Variants in BRD1 observed in about 807,000 individuals in gnomAD.
The protein encoded by BRD1 is bromodomain-containing protein 1.
A neutral mutation model predicts 107.7 loss-of-function variants in BRD1; 24 were observed. That is an observed-to-expected ratio of 0.22 (90% CI 0.16 to 0.31). The LOEUF is 0.31. Among genes scored for constraint, BRD1 ranks in the 10% least tolerant of loss-of-function variants. BRD1 has a pLI of 1.00. For synonymous variants in BRD1, 744 were observed against 686.1 expected, an observed-to-expected ratio of 1.08 and a Z score of -1.32; for missense variants, 1,279 against 1,638.6, an observed-to-expected ratio of 0.78 and a Z score of 3.79.
In BRD1 at chr22:49,824,624, T is replaced by C; in HGVS notation, c.-14-293A>G. ...CCCCTCTCAGACCACACCAACAGGC[T>C]GCGGAGACCACAGCAACGCTCCCCA... On this transcript the variant is annotated intron_variant, in intron 1 of 12. Transcript: ENST00000404760. This position sits in a 1 kb window ranked among gnomAD's most constrained non-coding sequence, Gnocchi z 5.9. 1 of 1,207,620 alleles carries C rather than the reference T, an allele frequency of 8.3e-7. No individual in the cohort carries two copies. The highest frequency in any genetic ancestry group is 2.0e-5 in the South Asian group (1 of 49,224). 74.8% of individuals were successfully genotyped at this position (1,207,620 alleles called of 1,614,324 possible). A position where few individuals can be genotyped will look rare whatever the true frequency, so the allele number is the denominator to read the frequency against.
intron 8 of BRD1, among the ~76,000 whole-genome samples, chr22:49,786,462 T>C (rs1444086776): frequency 6.6e-6 from 1 of 152,174 alleles, no homozygotes; most frequent in Non-Finnish European, 1.5e-5. Flanking sequence ...AGAGTTCAGT[T>C]ACAAAAGCGC....
chr22:49,826,229 C>G, intron 1 of BRD1: 1 of 985,474 alleles, frequency 1.0e-6, no homozygotes, highest in Non-Finnish European at 1.2e-6. Context: ...CCCCTGGAAA[C>G]CCACTCTCTC....
chr22:49,815,123 C>T (rs2059924881), intron 2 of BRD1, among the ~76,000 whole-genome samples: 1 of 152,224 alleles, frequency 6.6e-6, no homozygotes, highest in Admixed American at 6.5e-5. Context: ...TAAATGCCAG[C>T]ATCTTTAGGA....
rs137859525 is a variant in BRD1, at chr22:49,788,509, C to G, written c.2360-622G>C. Among the ~76,000 whole-genome samples the G allele has an allele frequency of 3.9e-5, 6 of 152,302 alleles. No homozygotes were observed. In the East Asian group the frequency reaches 1.2e-3, roughly 29 times the overall value. ...ATGGGAGCTTTCAGGAAAAAAAAAT[C>G]TGACTTTTAAAAATAAGAAGTCTTT... On this transcript the variant is annotated intron_variant, in intron 7 of 12. Coordinates refer to ENST00000404760, the MANE Select transcript of BRD1 (RefSeq NM_001304808.3).
intron 5 of BRD1, 147 bp downstream of exon 5, chr22:49,798,406 CTTTTA>C: frequency 1.5e-6 from 2 of 1,356,848 alleles, no homozygotes; most frequent in Non-Finnish European, 2.0e-6. Context: ...AAATGTATCA[CTTTTA>C]TAATTTAAAA....
intron 3 of BRD1, among the ~76,000 whole-genome samples, chr22:49,801,566 G>C (rs1482884356): frequency 6.6e-6 from 1 of 152,252 alleles, no homozygotes; most frequent in Non-Finnish European, 1.5e-5. Context: ...ACAGAGGCAG[G>C]TTTCCAGGCT....
At chr22:49,774,463 A>G in intron 12 of BRD1, 47 bp from the exon 13 acceptor site, 1 of 1,567,890 alleles carries the variant, frequency 6.4e-7, no homozygotes, top group African/African-American at 1.4e-5. Flanking sequence ...TGCACATGGT[A>G]TTTCAGCAGG....
intron 7 of BRD1, among the ~76,000 whole-genome samples, chr22:49,788,571 T>C (rs2059373054): frequency 6.6e-6 from 1 of 152,224 alleles, no homozygotes; most frequent in Non-Finnish European, 1.5e-5. Context: ...TAAAGTCTTT[T>C]TGACATTATA....
chr22:49,783,663 G>A lies in BRD1; in HGVS notation c.2857+3727C>T, dbSNP rs2059259959. On this transcript the variant is annotated intron_variant, in intron 8 of 12. Transcript: ENST00000404760. This position sits in a 1 kb window ranked among gnomAD's most constrained non-coding sequence, Gnocchi z 4.2. ...GTGACTGTCCAGAGGGAAGGCTGAGGTGCCACGACATCCCGCCAGCTCCAG... is the reference window on the plus strand; with the variant it reads ...GTGACTGTCCAGAGGGAAGGCTGAGATGCCACGACATCCCGCCAGCTCCAG... Among the ~76,000 whole-genome samples, 1 of 151,990 alleles carries A rather than the reference G, an allele frequency of 6.6e-6. No individual in the cohort carries two copies. The highest frequency in any genetic ancestry group is 1.5e-5 in the Non-Finnish European group (1 of 67,978).
intron 10 of BRD1, 24 bp downstream of exon 10, chr22:49,777,010 T>C (rs781677385): frequency 3.1e-6 from 5 of 1,612,536 alleles, no homozygotes; most frequent in South Asian, 2.2e-5. Context: ...TGGAGAGCCA[T>C]GGAGGCAGGT....
At chr22:49,776,252 C>G in intron 10 of BRD1, 93 bp from the exon 11 acceptor site, 1 of 1,121,062 alleles carries the variant, frequency 8.9e-7, no homozygotes, top group African/African-American at 1.5e-5. Context: ...GGGTGGGTCC[C>G]CCGAGCACAG....
At chr22:49,818,569 C>T (rs998246880) in intron 2 of BRD1, among the ~76,000 whole-genome samples, 8 of 152,174 alleles carry the variant, frequency 5.3e-5, no homozygotes, top group Non-Finnish European at 1.2e-4. Context: ...AAAAGACTTT[C>T]CCTTTTCCTT....
rs2059352112 is a variant in BRD1, at chr22:49,787,446, C to A, written c.2801G>T (p.Ser934Ile). ...CTCCACCTCGGAGTCTCCGCATGTGCTCCGCGACCTTTTCCTTGGCTGCAG... is the reference window on the plus strand; with the variant it reads ...CTCCACCTCGGAGTCTCCGCATGTGATCCGCGACCTTTTCCTTGGCTGCAG... ...TLLQPRKRSR[S>I]TCGDSEVEEE... The change falls in exon 8 of 13, where the codon AGC becomes ATC. Residue 934 changes from serine (S) to isoleucine (I), a missense_variant. Around this residue, in one of 7 missense-constraint regions of BRD1, gnomAD observed 263 missense variants for 251.6 expected, o/e 1.05. Transcript: ENST00000404760. 1 of 1,614,088 alleles carries A rather than the reference C, an allele frequency of 6.2e-7. No individual in the cohort carries two copies.
At chr22:49,797,371 G>T (rs2059554310) in intron 6 of BRD1, among the ~76,000 whole-genome samples, 1 of 152,164 alleles carries the variant, frequency 6.6e-6, no homozygotes, top group African/African-American at 2.4e-5. Flanking sequence ...GCCCACTCTG[G>T]ATGAAAACCC....
In BRD1 at chr22:49,803,447, C is replaced by T. The variant is rs2059679343; in HGVS notation, c.1524+757G>A. ...AGACCAGCGGCTCCTCACTAGGCAG[C>T]GTGGGCAGAGGGCGCTGGCCGCAGG... On this transcript the variant is annotated intron_variant, in intron 3 of 12. Transcript: ENST00000404760. This position sits in a 1 kb window ranked among gnomAD's most constrained non-coding sequence, Gnocchi z 4.4. Among the ~76,000 whole-genome samples, 1 of 152,238 alleles carries T rather than the reference C, an allele frequency of 6.6e-6. No homozygotes were observed. Among genetic ancestry groups the T allele is most frequent in the South Asian group, 2.1e-4 (1 of 4,830 alleles).
intron 4 of BRD1, 45 bp downstream of exon 4, chr22:49,798,943 C>T: frequency 6.4e-7 from 1 of 1,558,722 alleles, no homozygotes; most frequent in Non-Finnish European, 8.7e-7. Context: ...CCACCCACGC[C>T]CCGTGGCCAG....
rs1417316764 is a variant in BRD1, at chr22:49,774,114, C to T, written c.*119G>A. On this transcript the variant is annotated 3_prime_UTR_variant, in exon 13 of 13. Coordinates refer to ENST00000404760, the MANE Select transcript of BRD1 (RefSeq NM_001304808.3). Reference sequence around the variant, plus strand: ...TTGGAAATAAAACCTCCCCCCTCCCCGGGGAAAAAGAATTAAAGAGCTATA... The same window carrying T: ...TTGGAAATAAAACCTCCCCCCTCCCTGGGGAAAAAGAATTAAAGAGCTATA... 1.3e-5 allele frequency: 18 copies of T among 1,343,490 alleles called. No homozygotes were observed. Among genetic ancestry groups the T allele is most frequent in the African/African-American group, 6.0e-5 (4 of 67,166 alleles). 83.2% of individuals were successfully genotyped at this position (1,343,490 alleles called of 1,614,324 possible).
chr22:49,793,718 T>A (rs1283914039), intron 7 of BRD1, among the ~76,000 whole-genome samples: 1 of 152,258 alleles, frequency 6.6e-6, no homozygotes, highest in Admixed American at 6.5e-5. Flanking sequence ...CAACACAGTG[T>A]AAGATCTAAA....
intron 7 of BRD1, among the ~76,000 whole-genome samples, chr22:49,788,909 G>A (rs749934315): frequency 5.9e-5 from 9 of 152,160 alleles, no homozygotes; most frequent in Admixed American, 2.6e-4. Context: ...TCCTAAAACC[G>A]TTTGAAGTAT....
Sources: allele counts gnomAD v4.1 joint callset (sites outside exome capture counted in the v4.1 genomes callset), GRCh38; gene constraint gnomAD v4.1.1; regional missense constraint gnomAD v4.1.1; non-coding constraint Gnocchi (gnomAD v3.1); transcripts MANE v1.5; gene names NCBI Gene and HGNC (gene_info 2026-07-23, HGNC 2026-07-21).